The following MGAT4C variants were observed in gnomAD, a reference collection of about 807,000 sequenced individuals.
MGAT4C encodes the protein MGAT4 family member C.
A neutral mutation model predicts 40.1 loss-of-function variants in MGAT4C; 19 were observed. The ratio of observed to expected loss-of-function variants is 0.47; its 90% CI spans 0.33 to 0.70. The LOEUF is 0.70. Among genes scored for constraint, MGAT4C ranks in the 30% least tolerant of loss-of-function variants. MGAT4C has a pLI of 0.02. For missense variants in MGAT4C, 491 were observed against 563.2 expected, an observed-to-expected ratio of 0.87 and a Z score of 1.30; for synonymous variants, 181 against 187.1, an observed-to-expected ratio of 0.97 and a Z score of 0.27.
chr12:86,725,130 G>C (rs1950800258), intron 2 of MGAT4C, among the ~76,000 whole-genome samples: 1 of 152,142 alleles, frequency 6.6e-6, no homozygotes, highest in Admixed American at 6.5e-5. Context: ...TTATGGAATT[G>C]CCTAGCATTT....
rs182235928 is a variant in MGAT4C at position 86,580,114 on chromosome 12, C to A, written c.-228-144849G>T. 3.0e-3 allele frequency among the ~76,000 whole-genome samples: 460 copies of A among 151,184 alleles called. 2 individuals carry two copies. The highest frequency in any genetic ancestry group is 0.011 in the African/African-American group (439 of 41,308). On this transcript the variant is annotated intron_variant, in intron 2 of 7. Coordinates refer to the MGAT4C transcript ENST00000548651. The stretch of plus-strand genomic sequence containing the variant: ...GTTTGGGATTAAAACTTATTTCTAC[C>A]CCTAGTTTACATTTTCTATTTTTCT...
chr12:86,360,081 C>A (rs1955425533), intron 3 of MGAT4C, among the ~76,000 whole-genome samples: 1 of 152,132 alleles, frequency 6.6e-6, no homozygotes, highest in Admixed American at 6.5e-5. Flanking sequence ...ATGCAAAAAT[C>A]CTCAATAAAA....
chr12:86,774,319 C>CTTTCTTTCTTTCTTTCTTTTCTTTCT (rs1555227782), intron 1 of MGAT4C, among the ~76,000 whole-genome samples: 11 of 93,714 alleles, frequency 1.2e-4, no homozygotes, highest in African/African-American at 3.6e-4. Flanking sequence ...TTCTTTCTTT[C>CTTTCTTTCTTTCTTTCTTTTCTTTCT]TTTCTTTCTT....
At position 86,530,166 on chromosome 12, in the gene MGAT4C, G is replaced by T. The variant is rs113947190; in HGVS notation, c.-228-94901C>A. ...AAAATTTATTCTTTACTTAGGACTG[G>T]TCGTTGTTATGCAATCTTCTTTGTT... On this transcript the variant is annotated intron_variant, in intron 2 of 7. Coordinates refer to the MGAT4C transcript ENST00000548651. 3.4e-3 allele frequency among the ~76,000 whole-genome samples: 517 copies of T among 151,938 alleles called. 5 individuals are homozygous for T. Among genetic ancestry groups the T allele is most frequent in the African/African-American group, 0.012 (500 of 41,484 alleles).
chr12:86,189,529 A>T (rs1009793899), intron 1 of MGAT4C, among the ~76,000 whole-genome samples: 1 of 151,930 alleles, frequency 6.6e-6, no homozygotes, highest in African/African-American at 2.4e-5. Flanking sequence ...TTTTTAAAAA[A>T]TTTTTCTATT....
At chr12:86,610,051 T>C (rs1962194252) in intron 2 of MGAT4C, among the ~76,000 whole-genome samples, 1 of 152,186 alleles carries the variant, frequency 6.6e-6, no homozygotes, top group South Asian at 2.1e-4. Context: ...CTAAAAATTT[T>C]TTGAACTATT....
intron 1 of MGAT4C, among the ~76,000 whole-genome samples, chr12:86,765,986 CAT>C (rs1951500318): frequency 6.6e-6 from 1 of 152,134 alleles, no homozygotes; most frequent in Non-Finnish European, 1.5e-5. Context: ...CAGCTAACAT[CAT>C]AATGACAGGA....
At chr12:86,324,191 G>A (rs1376096876) in intron 4 of MGAT4C, among the ~76,000 whole-genome samples, 1 of 151,710 alleles carries the variant, frequency 6.6e-6, no homozygotes, top group Non-Finnish European at 1.5e-5. Flanking sequence ...GTTATGTATT[G>A]CCCCTTTCTT....
intron 4 of MGAT4C, among the ~76,000 whole-genome samples, chr12:86,265,383 CCATT>C (rs1555261194): frequency 6.6e-6 from 1 of 152,182 alleles, no homozygotes; most frequent in Non-Finnish European, 1.5e-5. Context: ...CTTCATGTGG[CCATT>C]CAATCTTCCC....
chr12:86,655,623 G>T (rs916398422), intron 2 of MGAT4C, among the ~76,000 whole-genome samples: 1 of 152,030 alleles, frequency 6.6e-6, no homozygotes, highest in Non-Finnish European at 1.5e-5. Flanking sequence ...CAAGCATGCT[G>T]CCACTGAAGT....
chr12:86,646,108 T>C (rs1191868844), intron 2 of MGAT4C, among the ~76,000 whole-genome samples: 1 of 151,796 alleles, frequency 6.6e-6, no homozygotes, highest in Non-Finnish European at 1.5e-5. Context: ...TGTAAAATAA[T>C]TGGAATAATA....
chr12:86,028,130 C>T (rs1890402915), intron 2 of MGAT4C: 1 of 1,288,126 alleles, frequency 7.8e-7, no homozygotes, highest in Non-Finnish European at 1.0e-6. Flanking sequence ...CCCTTTGCCA[C>T]ACTCCTCTGC....
chr12:86,376,818 C>CAGAGAGAG (rs34852259), intron 3 of MGAT4C, among the ~76,000 whole-genome samples: 1 of 125,306 alleles, frequency 8.0e-6, no homozygotes, highest in Non-Finnish European at 1.7e-5. Context: ...GAGAGAGAGA[C>CAGAGAGAG]AGAGAGAGAG....
chr12:86,157,736 G>C lies in MGAT4C; in HGVS notation c.-57+98503C>G, dbSNP rs1397535413. On this transcript the variant is annotated intron_variant, in intron 1 of 4. Coordinates refer to ENST00000611864, the MANE Select transcript of MGAT4C (RefSeq NM_001351288.2). ...ACATCTTACATGGTGGCAGGAGAGA[G>C]AGAGTGGGCGAAGAAGGACGTGCCA... Among the ~76,000 whole-genome samples, 16 of 152,296 alleles carry C rather than the reference G, an allele frequency of 1.1e-4. No individual in the cohort carries two copies. In the East Asian group the frequency reaches 2.1e-3, roughly 20 times the overall value.
chr12:86,609,629 A>G (rs1274990452), intron 2 of MGAT4C, among the ~76,000 whole-genome samples: 1 of 152,078 alleles, frequency 6.6e-6, no homozygotes, highest in East Asian at 1.9e-4. Context: ...TTATGTTAAA[A>G]TCCAAAATAA....
intron 2 of MGAT4C, among the ~76,000 whole-genome samples, chr12:86,691,337 G>T: frequency 6.6e-6 from 1 of 152,294 alleles, no homozygotes; most frequent in South Asian, 2.1e-4. Flanking sequence ...GAGTATAAAA[G>T]TTCTTTTCCC....
Position 86,265,848 on chromosome 12 carries a change from TTTA to T in MGAT4C, c.-57+68214_-57+68216del, listed in dbSNP as rs59310300. On this transcript the variant is annotated intron_variant, in intron 4 of 7. Coordinates refer to the MGAT4C transcript ENST00000548651. ...TTCATCAGTGTTTCACCAAAGATCT[TTTA>T]CTTCCTTGGTTAAATATATTCTTAG... Among the ~76,000 whole-genome samples the T allele has an allele frequency of 4.2e-3, 640 of 152,336 alleles. 4 individuals are homozygous for T. Among genetic ancestry groups the T allele is most frequent in the African/African-American group, 0.015 (615 of 41,580 alleles).
chr12:86,378,272 G>T (rs962274783), intron 3 of MGAT4C, among the ~76,000 whole-genome samples: 1 of 151,972 alleles, frequency 6.6e-6, no homozygotes, highest in African/African-American at 2.4e-5. Context: ...TTTTTTTGAG[G>T]AACTACTAAA....
chr12:86,123,560 G>T (rs1879787664), intron 1 of MGAT4C, among the ~76,000 whole-genome samples: 1 of 152,136 alleles, frequency 6.6e-6, no homozygotes, highest in Middle Eastern at 3.4e-3. Context: ...ATAATGACAA[G>T]AATATCTAAC....
Sources: allele counts gnomAD v4.1 joint callset (sites outside exome capture counted in the v4.1 genomes callset), GRCh38; gene constraint gnomAD v4.1.1; transcripts MANE v1.5; gene names NCBI Gene and HGNC (gene_info 2026-07-23, HGNC 2026-07-21).